Variants in CLYBL observed in about 807,000 individuals in gnomAD.
CLYBL encodes citramalyl-CoA lyase, mitochondrial.
Under a neutral mutation model 38.9 loss-of-function variants are expected in CLYBL, and 31 were observed. That is an observed-to-expected ratio of 0.80 (90% confidence interval 0.60 to 1.08). The LOEUF is 1.08. Ranked by LOEUF, CLYBL falls within the 50% of genes least tolerant of loss-of-function variation. CLYBL has a pLI of 0.00. For synonymous variants in CLYBL, 171 were observed against 158.6 expected, an observed-to-expected ratio of 1.08 and a Z score of -0.59; for missense variants, 434 against 411.6, an observed-to-expected ratio of 1.05 and a Z score of -0.47.
At chr13:99,675,962 T>C (rs2139378429) in intron 1 of CLYBL, among the ~76,000 whole-genome samples, 1 of 152,314 alleles carries the variant, frequency 6.6e-6, no homozygotes, top group Non-Finnish European at 1.5e-5. Flanking sequence ...CAAGTTGTTC[T>C]TGTGCCTCAG....
chr13:99,754,041 C>G (rs1470205644), intron 1 of CLYBL, among the ~76,000 whole-genome samples: 3 of 128,258 alleles, frequency 2.3e-5, no homozygotes, highest in African/African-American at 6.1e-5. Flanking sequence ...GAGCCAAGAT[C>G]ATGCCATTGC....
At chr13:99,792,019 T>C (rs1959023027) in intron 2 of CLYBL, among the ~76,000 whole-genome samples, 2 of 152,188 alleles carry the variant, frequency 1.3e-5, no homozygotes, top group Non-Finnish European at 2.9e-5. Context: ...AGCTCCTATA[T>C]AGATTTCTTA....
intron 1 of CLYBL, among the ~76,000 whole-genome samples, chr13:99,636,910 T>C (rs2047025776): frequency 6.6e-6 from 1 of 152,088 alleles, no homozygotes; most frequent in African/African-American, 2.4e-5. Context: ...AGACTTACTC[T>C]CTCGCCCAGG....
At position 99,725,849 on chromosome 13, in the gene CLYBL, G is replaced by T. The variant is rs571592771; in HGVS notation, c.63-46975G>T. Among the ~76,000 whole-genome samples the T allele has an allele frequency of 1.4e-4, 21 of 152,292 alleles. No homozygotes were observed. In the South Asian group the frequency reaches 1.7e-3, roughly 12 times the overall value. On this transcript the variant is annotated intron_variant, in intron 1 of 8. Transcript: ENST00000339105. ...TGGTTTACTCATTTGATGCAGGAGG[G>T]TCGGTTCTTGGGCTGTTGCTTTCTC... is the stretch of plus-strand genomic sequence containing the variant.
At chr13:99,826,235 T>C (rs775118077) in intron 2 of CLYBL, among the ~76,000 whole-genome samples, 9 of 152,162 alleles carry the variant, frequency 5.9e-5, no homozygotes, top group Non-Finnish European at 1.2e-4. Flanking sequence ...GTGGTTGCCC[T>C]CCATAAGGTG....
chr13:99,745,856 A>C (rs954548843), intron 1 of CLYBL, among the ~76,000 whole-genome samples: 4 of 149,624 alleles, frequency 2.7e-5, no homozygotes, highest in Non-Finnish European at 5.9e-5. Flanking sequence ...AAAATGTACA[A>C]ATCAGAATAA....
At chr13:99,787,209 C>T (rs1030183963) in intron 2 of CLYBL, among the ~76,000 whole-genome samples, 1 of 152,052 alleles carries the variant, frequency 6.6e-6, no homozygotes, top group Non-Finnish European at 1.5e-5. Context: ...TTAATTAGAT[C>T]CCATTTGTCA....
At chr13:99,868,559 C>T (rs1594234257) in intron 6 of CLYBL, among the ~76,000 whole-genome samples, 1 of 152,130 alleles carries the variant, frequency 6.6e-6, no homozygotes, top group Non-Finnish European at 1.5e-5. Context: ...TAAGTCTGTG[C>T]TATAAGGATT....
chr13:99,691,395 G>A (rs1017911167), intron 1 of CLYBL, among the ~76,000 whole-genome samples: 1 of 151,984 alleles, frequency 6.6e-6, no homozygotes, highest in African/African-American at 2.4e-5. Flanking sequence ...AAAAATTTGG[G>A]GGGGAAGGGG....
chr13:99,776,806 C>T (rs1308356837), intron 2 of CLYBL, among the ~76,000 whole-genome samples: 1 of 151,918 alleles, frequency 6.6e-6, no homozygotes, highest in African/African-American at 2.4e-5. Context: ...GCATGACAAG[C>T]CATTGAGGTG....
downstream of CLYBL, among the ~76,000 whole-genome samples, chr13:99,899,176 C>T (rs967861111): frequency 6.6e-6 from 1 of 152,186 alleles, no homozygotes; most frequent in African/African-American, 2.4e-5. Context: ...TTCCAGGATC[C>T]CCACTTGCCG....
At chr13:99,752,448 C>A (rs938357792) in intron 1 of CLYBL, among the ~76,000 whole-genome samples, 5 of 152,138 alleles carry the variant, frequency 3.3e-5, no homozygotes, top group African/African-American at 9.7e-5. Flanking sequence ...ATGAGTGATA[C>A]CAGCTGGGGC....
chr13:99,856,620 A>G (rs1374813511), intron 2 of CLYBL, among the ~76,000 whole-genome samples: 2 of 152,002 alleles, frequency 1.3e-5, no homozygotes, highest in Non-Finnish European at 2.9e-5. Context: ...AAAAGCTGAA[A>G]GTATTTCAGT....
At chr13:99,820,613 A>G (rs1180363242) in intron 2 of CLYBL, among the ~76,000 whole-genome samples, 1 of 152,178 alleles carries the variant, frequency 6.6e-6, no homozygotes, top group African/African-American at 2.4e-5. Flanking sequence ...GACAAGATTA[A>G]TATTGCACCA....
chr13:99,864,763 T>C lies in CLYBL; in HGVS notation c.541-55T>C, dbSNP rs372709231. On this transcript the variant is annotated intron_variant, in intron 4 of 8. Transcript: ENST00000339105. The stretch of plus-strand genomic sequence containing the variant: ...CTGTTACTGAAATGCACCGTGCCTC[T>C]TCCCTCTGACGCACGCGTTTCCGTG... The C allele has an allele frequency of 8.1e-6, 10 of 1,232,122 alleles. No individual in the cohort carries two copies. In the Admixed American group the frequency reaches 8.6e-5, roughly 11 times the overall value. The allele number at this position is 1,232,122 out of a possible 1,614,324, so 76.3% of individuals were successfully genotyped here.
At chr13:99,875,096 G>A (rs569226433) in intron 7 of CLYBL, among the ~76,000 whole-genome samples, 7 of 152,118 alleles carry the variant, frequency 4.6e-5, no homozygotes, top group Admixed American at 2.6e-4. Context: ...TTTCTCCTTC[G>A]TTATAGCTTC....
chr13:99,634,153 A>G (rs1033524477), intron 1 of CLYBL, among the ~76,000 whole-genome samples: 6 of 152,234 alleles, frequency 3.9e-5, no homozygotes, highest in South Asian at 2.1e-4. Context: ...AGAAGGAACA[A>G]TAATATAACT....
At chr13:99,607,011 C>A (rs954425213) in intron 1 of CLYBL, among the ~76,000 whole-genome samples, 1 of 152,204 alleles carries the variant, frequency 6.6e-6, no homozygotes, top group African/African-American at 2.4e-5. Context: ...GACTCAGCCC[C>A]AGGAAACAAA....
chr13:99,783,102 G>A (rs2049696373), intron 2 of CLYBL, among the ~76,000 whole-genome samples: 1 of 151,950 alleles, frequency 6.6e-6, no homozygotes, highest in Admixed American at 6.6e-5. Context: ...GAGTGCAGTG[G>A]CATGATCTCG....
Sources: allele counts gnomAD v4.1 joint callset (sites outside exome capture counted in the v4.1 genomes callset), GRCh38; gene constraint gnomAD v4.1.1; transcripts MANE v1.5; gene names NCBI Gene and HGNC (gene_info 2026-07-23, HGNC 2026-07-21).